Variants in ITIH5 observed in about 807,000 individuals in gnomAD.
ITIH5 encodes inter-alpha-trypsin inhibitor heavy chain 5, also known as inter-alpha-trypsin inhibitor heavy chain H5.
A neutral mutation model predicts 77.5 loss-of-function variants in ITIH5; 65 were observed. That is an observed-to-expected ratio of 0.84 (90% CI 0.69 to 1.03). The LOEUF (loss-of-function observed/expected upper bound fraction) is 1.03, where lower values mean the gene tolerates loss of function less well. Ranked by LOEUF, ITIH5 falls within the 50% of genes least tolerant of loss-of-function variation. ITIH5 has a pLI of 0.00. For synonymous variants in ITIH5, 525 were observed against 494.3 expected (o/e 1.06, Z -0.82); for missense variants, 1,208 against 1,213.1 (o/e 1.00, Z 0.06).
chr10:7,565,007 T>C (rs1832113576), intron 13 of ITIH5, among the ~76,000 whole-genome samples: 1 of 146,580 alleles, frequency 6.8e-6, no homozygotes, highest in African/African-American at 2.5e-5. Context: ...ACTGTATACC[T>C]ACATATATAC....
intron 9 of ITIH5, among the ~76,000 whole-genome samples, chr10:7,579,087 A>C (rs1832482754): frequency 6.6e-6 from 1 of 152,270 alleles, no homozygotes; most frequent in East Asian, 1.9e-4. Context: ...ATGAACTATG[A>C]GAGCTCATTA....
At chr10:7,665,820 T>C (rs1194981938) in intron 1 of ITIH5, among the ~76,000 whole-genome samples, 1 of 152,162 alleles carries the variant, frequency 6.6e-6, no homozygotes, top group Admixed American at 6.5e-5. Context: ...CGATGCCTCC[T>C]GGGATTTTAT....
At chr10:7,632,137 G>A (rs1411561717) in intron 5 of ITIH5, among the ~76,000 whole-genome samples, 5 of 152,140 alleles carry the variant, frequency 3.3e-5, no homozygotes, top group African/African-American at 9.7e-5. Context: ...TGTAGGTCAA[G>A]ATTTTGATAT....
Position 7,559,347 on chromosome 10 carries a change from T to C in ITIH5, c.*3736A>G, listed in dbSNP as rs1335260089. 1 of 151,140 alleles carries C rather than the reference T, an allele frequency of 6.6e-6. No homozygotes were observed. Among genetic ancestry groups the C allele is most frequent in the Admixed American group, 6.6e-5 (1 of 15,222 alleles). The allele number at this position is 151,140 out of a possible 1,614,324, so 9.4% of individuals were successfully genotyped here. On this transcript the variant is annotated 3_prime_UTR_variant, in exon 14 of 14. Coordinates refer to ENST00000397146, the MANE Select transcript of ITIH5 (RefSeq NM_030569.7). ...TTAGAAAAATAAACAGACCAATATG[T>C]TGTTTGTTTTTATGCATCGTTCTCT...
intron 7 of ITIH5, among the ~76,000 whole-genome samples, chr10:7,588,879 G>A (rs1394396426): frequency 6.6e-6 from 1 of 152,196 alleles, no homozygotes; most frequent in African/African-American, 2.4e-5. Context: ...TTACAGATGG[G>A]GCAACTGAGG....
At chr10:7,570,473 C>T (rs1015496687) in intron 11 of ITIH5, 1 of 152,212 alleles carries the variant, frequency 6.6e-6, no homozygotes, top group African/African-American at 2.4e-5. Flanking sequence ...GCTGACAGTT[C>T]TTATCTGTTC....
chr10:7,624,173 T>G (rs1269743091), intron 5 of ITIH5, among the ~76,000 whole-genome samples: 4 of 152,158 alleles, frequency 2.6e-5, no homozygotes, highest in African/African-American at 9.6e-5. Context: ...TACAACTACC[T>G]CACCCAGCAA....
Position 7,565,348 on chromosome 10 carries a change from CAT to C in ITIH5, c.2527+680_2527+681del, listed in dbSNP as rs756132714. The stretch of plus-strand genomic sequence containing the variant: ...ACATCACACATACAAAGATGGTATA[CAT>C]ATATATATACATACACAGACTATGT... On this transcript the variant is annotated intron_variant, in intron 13 of 13. Transcript: ENST00000397146. 5.5e-4 allele frequency among the ~76,000 whole-genome samples: 81 copies of C among 148,538 alleles called. No homozygotes were observed. In the East Asian group the frequency reaches 9.5e-3, roughly 17 times the overall value.
intron 1 of ITIH5, among the ~76,000 whole-genome samples, chr10:7,656,679 C>T (rs1588431896): frequency 6.6e-6 from 1 of 151,674 alleles, no homozygotes; most frequent in East Asian, 1.9e-4. Context: ...TCCTTCCTTT[C>T]TGGAAGGCAG....
intron 13 of ITIH5, among the ~76,000 whole-genome samples, chr10:7,564,608 C>A (rs544381044): frequency 6.6e-6 from 1 of 151,908 alleles, no homozygotes; most frequent in Admixed American, 6.6e-5. Context: ...GGGTAGTATG[C>A]GACACTATCT....
At chr10:7,641,055 A>T (rs1483564532) in intron 3 of ITIH5, among the ~76,000 whole-genome samples, 200 bp from the exon 4 acceptor site, 1 of 152,202 alleles carries the variant, frequency 6.6e-6, no homozygotes, top group Non-Finnish European at 1.5e-5. Flanking sequence ...AAATAGCAAG[A>T]CCCAACCCAT....
At position 7,586,058 on chromosome 10, in the gene ITIH5, G is replaced by A. The variant is rs1278263573; in HGVS notation, c.951C>T (p.Ala317=). ...GGAGGTCATGGAGAATTGTGAAGAGGGCATCCTTGGTCTAGGCAAACACAA... is the reference window on the plus strand; with the variant it reads ...GGAGGTCATGGAGAATTGTGAAGAGAGCATCCTTGGTCTAGGCAAACACAA... The part of the protein sequence containing the change: ...VGTKLRQTKD[A]LFTILHDLRP... Residue 317 remains alanine (A), a synonymous_variant, in exon 8 of 14, where the codon GCC becomes GCT. Coordinates refer to ENST00000397146, the MANE Select transcript of ITIH5 (RefSeq NM_030569.7). 6.2e-7 allele frequency: 1 copy of A among 1,613,044 alleles called. No individual in the cohort carries two copies. The highest frequency in any genetic ancestry group is 1.1e-5 in the South Asian group (1 of 90,864).
At chr10:7,593,249 G>A (rs1244564811) in intron 7 of ITIH5, among the ~76,000 whole-genome samples, 6 of 152,048 alleles carry the variant, frequency 3.9e-5, no homozygotes, top group Admixed American at 3.3e-4. Context: ...AGGCAGCCCA[G>A]GCACCTCCCG....
Position 7,566,739 on chromosome 10 carries a change from AAAG to A in ITIH5, c.2150-335_2150-333del, listed in dbSNP as rs766137778. The stretch of plus-strand genomic sequence containing the variant: ...CCTATCTCATTAAAAAAAAAAAAAA[AAAG>A]AAGAAGAAGAAGAAGAAGAAGAAAG... On this transcript the variant is annotated intron_variant, in intron 12 of 13. Coordinates refer to ENST00000397146, the MANE Select transcript of ITIH5 (RefSeq NM_030569.7). Among the ~76,000 whole-genome samples the A allele has an allele frequency of 4.8e-3, 141 of 29,680 alleles. 32 individuals are homozygous for A. Among genetic ancestry groups the A allele is most frequent in the African/African-American group, 0.013 (101 of 7,608 alleles). The allele number at this position is 29,680 out of a possible 152,430, so 19.5% of individuals were successfully genotyped here.
chr10:7,571,710 C>G (rs963940847), intron 11 of ITIH5: 1 of 153,046 alleles, frequency 6.5e-6, no homozygotes, highest in East Asian at 1.9e-4. Flanking sequence ...AGCCACTGCA[C>G]GCAGCCTTTC....
chr10:7,584,963 C>G (rs1251478421), intron 8 of ITIH5, among the ~76,000 whole-genome samples: 1 of 152,146 alleles, frequency 6.6e-6, no homozygotes, highest in African/African-American at 2.4e-5. Flanking sequence ...AGATCAAGTT[C>G]CACATTAAGT....
chr10:7,665,595 A>G (rs1446563205), intron 1 of ITIH5, among the ~76,000 whole-genome samples: 1 of 152,212 alleles, frequency 6.6e-6, no homozygotes, highest in Non-Finnish European at 1.5e-5. Flanking sequence ...TCAGCCATCT[A>G]CTAAAACATC....
chr10:7,627,196 A>C (rs556461358), intron 5 of ITIH5, among the ~76,000 whole-genome samples: 35 of 152,316 alleles, frequency 2.3e-4, no homozygotes, highest in African/African-American at 7.9e-4. Flanking sequence ...TGCGGGGCTT[A>C]AAACCTAGAT....
chr10:7,606,152 T>C (rs919985387), intron 7 of ITIH5, among the ~76,000 whole-genome samples: 1 of 152,182 alleles, frequency 6.6e-6, no homozygotes, highest in African/African-American at 2.4e-5. Context: ...ACACTGCCGG[T>C]AGGAATGTAA....
Sources: gnomAD v4.1 joint callset for allele counts (sites outside exome capture counted in the v4.1 genomes callset) on GRCh38, gnomAD v4.1.1 for gene constraint, MANE v1.5 for transcripts, NCBI Gene and HGNC (gene_info 2026-07-23, HGNC 2026-07-21) for gene names.